The following SNX29 variants were observed in gnomAD, a reference collection of about 807,000 sequenced individuals.
SNX29 encodes sorting nexin 29, also known as sorting nexin-29.
In SNX29, 78 loss-of-function variants were observed where a neutral mutation model predicts 102.1. That is an observed-to-expected ratio of 0.76 (90% CI 0.64 to 0.92). SNX29 has a LOEUF of 0.92. Ranked by LOEUF, SNX29 falls within the 40% of genes least tolerant of loss-of-function variation. The pLI is 0.00. For missense variants in SNX29, 1,280 were observed against 1,061.7 expected (o/e 1.21, Z -2.86); for synonymous variants, 580 against 414.5 (o/e 1.40, Z -4.85).
chr16:12,342,510 C>G (rs780083763), intron 15 of SNX29, among the ~76,000 whole-genome samples: 2 of 152,158 alleles, frequency 1.3e-5, no homozygotes, highest in Non-Finnish European at 2.9e-5. Context: ...TATACCATCT[C>G]GTCTTTCCAT....
intron 15 of SNX29, among the ~76,000 whole-genome samples, chr16:12,332,990 A>C (rs1191942996): frequency 2.0e-5 from 3 of 152,056 alleles, no homozygotes; most frequent in Non-Finnish European, 2.9e-5. Context: ...GCAGTATTTC[A>C]GAGGGGAGGA....
At chr16:12,382,230 G>C (rs1158258277) in intron 16 of SNX29, among the ~76,000 whole-genome samples, 1 of 152,180 alleles carries the variant, frequency 6.6e-6, no homozygotes, top group African/African-American at 2.4e-5. Flanking sequence ...CAGCAGGGAA[G>C]TCGTATTTCC....
At chr16:12,402,259 C>A (rs1033360735) in intron 17 of SNX29, among the ~76,000 whole-genome samples, 1 of 152,228 alleles carries the variant, frequency 6.6e-6, no homozygotes, top group Non-Finnish European at 1.5e-5. Context: ...GACCCATTAC[C>A]TGAAGGGTTA....
chr16:12,233,066 T>C (rs1232576993), intron 14 of SNX29, among the ~76,000 whole-genome samples: 1 of 152,198 alleles, frequency 6.6e-6, no homozygotes, highest in African/African-American at 2.4e-5. Context: ...TTGCTGGAAA[T>C]GCCTTCCTCT....
chr16:12,556,701 A>G (rs1241445852), intron 20 of SNX29, among the ~76,000 whole-genome samples: 1 of 152,182 alleles, frequency 6.6e-6, no homozygotes, highest in Non-Finnish European at 1.5e-5. Flanking sequence ...GCAGAAGCCA[A>G]AGGCCAGTGG....
chr16:12,078,941 C>G, intron 11 of SNX29, 26 bp downstream of exon 11: 1 of 1,568,902 alleles, frequency 6.4e-7, no homozygotes, highest in Non-Finnish European at 8.7e-7. Context: ...GCCCCCTCCA[C>G]CAGCTCTGGG....
At chr16:12,560,337 A>C (rs1266566801) in intron 20 of SNX29, among the ~76,000 whole-genome samples, 4 of 152,182 alleles carry the variant, frequency 2.6e-5, no homozygotes, top group Non-Finnish European at 5.9e-5. Flanking sequence ...GGGTTTACCG[A>C]AGGGGGATTT....
chr16:12,184,586 T>C lies in SNX29; in HGVS notation c.1596-15015T>C, dbSNP rs78546602. 6.8e-3 allele frequency among the ~76,000 whole-genome samples: 1,030 copies of C among 152,300 alleles called. 10 individuals carry two copies. Among genetic ancestry groups the C allele is most frequent in the African/African-American group, 0.024 (995 of 41,558 alleles). On this transcript the variant is annotated intron_variant, in intron 13 of 20. Coordinates refer to ENST00000566228, the MANE Select transcript of SNX29 (RefSeq NM_032167.5). Reference sequence around the variant, plus strand: ...TCAAACTCTCCATGCCTTGTTAGCTTCCTGGAATCCACAGAATCCTTTCAC... The same window carrying C: ...TCAAACTCTCCATGCCTTGTTAGCTCCCTGGAATCCACAGAATCCTTTCAC...
intron 20 of SNX29, among the ~76,000 whole-genome samples, chr16:12,529,761 A>T (rs772693159): frequency 2.0e-5 from 3 of 152,030 alleles, no homozygotes; most frequent in African/African-American, 7.2e-5. Context: ...TTGTTCTCCC[A>T]GTGAGCAGGT....
intron 13 of SNX29, among the ~76,000 whole-genome samples, chr16:12,192,352 G>T (rs183568122): frequency 6.6e-6 from 1 of 152,170 alleles, no homozygotes. Flanking sequence ...GTCTCCATGT[G>T]CACGGCTACC....
chr16:12,264,536 CTT>C (rs1175830050), intron 14 of SNX29, among the ~76,000 whole-genome samples: 1 of 152,214 alleles, frequency 6.6e-6, no homozygotes, highest in East Asian at 1.9e-4. Flanking sequence ...AATCCCAGCA[CTT>C]TGGGAGGCTA....
At chr16:11,979,391 G>T (rs1453851013) in intron 1 of SNX29, among the ~76,000 whole-genome samples, 2 of 151,444 alleles carry the variant, frequency 1.3e-5, no homozygotes, top group African/African-American at 4.9e-5. Context: ...TGGAAACATT[G>T]TAATTGAGGC....
chr16:12,343,611 C>A (rs947451868), intron 15 of SNX29, among the ~76,000 whole-genome samples: 1 of 152,086 alleles, frequency 6.6e-6, no homozygotes, highest in Non-Finnish European at 1.5e-5. Context: ...GCTGCCTCCC[C>A]TTCCTGTTCC....
chr16:11,980,296 G>A (rs1293766788), intron 1 of SNX29, among the ~76,000 whole-genome samples: 2 of 151,888 alleles, frequency 1.3e-5, no homozygotes, highest in South Asian at 2.1e-4. Context: ...TTTTTCACTC[G>A]GTATAATTTT....
intron 10 of SNX29, among the ~76,000 whole-genome samples, chr16:12,070,289 T>A (rs2051235311): frequency 6.7e-6 from 1 of 150,178 alleles, no homozygotes; most frequent in Non-Finnish European, 1.5e-5. Flanking sequence ...AACTCGTCAT[T>A]TAGCATTAGC....
At position 12,317,850 on chromosome 16, in the gene SNX29, G is replaced by C. The variant is rs554127547; in HGVS notation, c.1783-38313G>C. On this transcript the variant is annotated intron_variant, in intron 15 of 20. Coordinates refer to ENST00000566228, the MANE Select transcript of SNX29 (RefSeq NM_032167.5). ...TGATGCTAATGACTCCCCGTGCCGG[G>C]GTGGGGGGTCGAAATGAGATAATGC... is the stretch of plus-strand genomic sequence containing the variant. 2.0e-5 allele frequency among the ~76,000 whole-genome samples: 3 copies of C among 152,368 alleles called. No individual in the cohort carries two copies. In the South Asian group the frequency reaches 6.2e-4, roughly 32 times the overall value.
Position 12,533,966 on chromosome 16 carries a change from A to G in SNX29, c.2318+9125A>G, listed in dbSNP as rs144581636. On this transcript the variant is annotated intron_variant, in intron 20 of 20. Coordinates refer to ENST00000566228, the MANE Select transcript of SNX29 (RefSeq NM_032167.5). ...GGAAACTCCTTTGTTTGCTTAAAAC[A>G]TCTGTGGGCCACATGGGGTCCACTG... 1.8e-3 allele frequency among the ~76,000 whole-genome samples: 273 copies of G among 152,378 alleles called. 1 individual carries two copies. Among genetic ancestry groups the G allele is most frequent in the African/African-American group, 6.3e-3 (260 of 41,588 alleles).
chr16:12,496,239 G>A (rs536869943), intron 19 of SNX29, among the ~76,000 whole-genome samples: 2 of 152,306 alleles, frequency 1.3e-5, no homozygotes, highest in African/African-American at 4.8e-5. Context: ...TGTGACACAG[G>A]GGTAGTCAGC....
At chr16:12,496,026 C>T (rs1304956359) in intron 19 of SNX29, among the ~76,000 whole-genome samples, 4 of 151,890 alleles carry the variant, frequency 2.6e-5, no homozygotes, top group South Asian at 2.1e-4. Flanking sequence ...CCAGCCTGGG[C>T]GACAGGATGA....
Sources: allele counts gnomAD v4.1 joint callset (sites outside exome capture counted in the v4.1 genomes callset), GRCh38; gene constraint gnomAD v4.1.1; transcripts MANE v1.5; gene names NCBI Gene and HGNC (gene_info 2026-07-23, HGNC 2026-07-21).